Variants in SPIRE1 observed in about 807,000 individuals in gnomAD.
SPIRE1 encodes the protein spire type actin nucleation factor 1.
Under a neutral mutation model 94.1 loss-of-function variants are expected in SPIRE1, and 40 were observed. That is an observed-to-expected ratio of 0.43 (90% CI 0.33 to 0.55). The LOEUF is 0.55. SPIRE1 is among the 20% of genes least tolerant of loss of function. SPIRE1 has a pLI of 0.06. For synonymous variants in SPIRE1, 376 were observed against 371.7 expected (o/e 1.01, Z -0.13); for missense variants, 838 against 975.2 (o/e 0.86, Z 1.87).
chr18:12,617,607 C>T (rs772566436), intron 2 of SPIRE1, among the ~76,000 whole-genome samples: 15 of 152,088 alleles, frequency 9.9e-5, no homozygotes, highest in Admixed American at 2.6e-4. Context: ...GACGGGGTTT[C>T]GCCATTTTGA....
chr18:12,579,443 A>G (rs1441169620), intron 2 of SPIRE1, among the ~76,000 whole-genome samples: 1 of 152,198 alleles, frequency 6.6e-6, no homozygotes, highest in African/African-American at 2.4e-5. Context: ...AGGGAAATTC[A>G]GAGAAGCAGA....
At chr18:12,557,133 G>A (rs1169536677) in intron 2 of SPIRE1, among the ~76,000 whole-genome samples, 1 of 152,230 alleles carries the variant, frequency 6.6e-6, no homozygotes, top group Non-Finnish European at 1.5e-5. Context: ...CACCAGTCCT[G>A]CGCCACACGC....
Position 12,539,011 on chromosome 18 carries a change from C to G in SPIRE1, c.604-3410G>C, listed in dbSNP as rs147408748. Among the ~76,000 whole-genome samples, 692 of 152,346 alleles carry G rather than the reference C, an allele frequency of 4.5e-3. 4 individuals carry two copies. The highest frequency in any genetic ancestry group is 0.022 in the South Asian group (104 of 4,826). ...TCCTCTCTCACTAGTCTACATGGTT[C>G]TTCTTCACCTGACAGGCAAAATCTT... is the stretch of plus-strand genomic sequence containing the variant. On this transcript the variant is annotated intron_variant, in intron 3 of 16. Coordinates refer to ENST00000409402, the MANE Select transcript of SPIRE1 (RefSeq NM_001128626.2).
chr18:12,636,178 C>A (rs957668414), intron 1 of SPIRE1: 5 of 152,274 alleles, frequency 3.3e-5, no homozygotes, highest in African/African-American at 1.2e-4. Flanking sequence ...CAGGCGTGAG[C>A]CACCATGCCC....
At chr18:12,533,237 A>G (rs142441409) in intron 4 of SPIRE1, among the ~76,000 whole-genome samples, 2 of 152,288 alleles carry the variant, frequency 1.3e-5, no homozygotes, top group African/African-American at 4.8e-5. Context: ...TGGAGCTTCA[A>G]CCAGTTGTGA....
chr18:12,553,646 C>G (rs2035419633), intron 2 of SPIRE1, among the ~76,000 whole-genome samples: 1 of 152,112 alleles, frequency 6.6e-6, no homozygotes, highest in South Asian at 2.1e-4. Flanking sequence ...TCTAGACCTA[C>G]CCCGGGGCCT....
chr18:12,584,014 T>C (rs774999270), intron 2 of SPIRE1, among the ~76,000 whole-genome samples: 3 of 151,806 alleles, frequency 2.0e-5, no homozygotes, highest in African/African-American at 4.8e-5. Context: ...AAATGAGATA[T>C]AAAAGAGATA....
intron 8 of SPIRE1, among the ~76,000 whole-genome samples, chr18:12,492,304 C>T (rs919756677): frequency 1.3e-5 from 2 of 152,104 alleles, no homozygotes; most frequent in Non-Finnish European, 2.9e-5. Context: ...CACTATAGAC[C>T]GTTTTCGTAA....
chr18:12,502,521 C>T (rs1356048380), intron 6 of SPIRE1, among the ~76,000 whole-genome samples: 2 of 152,098 alleles, frequency 1.3e-5, no homozygotes, highest in Non-Finnish European at 2.9e-5. Context: ...GCAATAGGAA[C>T]GGTCTTGCAA....
At chr18:12,527,060 C>T (rs543138424) in intron 4 of SPIRE1, among the ~76,000 whole-genome samples, 1 of 152,190 alleles carries the variant, frequency 6.6e-6, no homozygotes, top group South Asian at 2.1e-4. Context: ...CCCAACTGAT[C>T]CTAGTTCCTC....
rs551136246 is a variant in SPIRE1, at chr18:12,446,904, G to T, written c.*2734C>A. On this transcript the variant is annotated 3_prime_UTR_variant, in exon 17 of 17. Transcript: ENST00000409402. ...ACATAACCACCTTCTGGTTTCATTT[G>T]AAATCCTTAAGAATTAAAATCTAGT... 6.6e-6 allele frequency: 1 copy of T among 152,124 alleles called. No homozygotes were observed. Among genetic ancestry groups the T allele is most frequent in the Non-Finnish European group, 1.5e-5 (1 of 68,026 alleles). 9.4% of individuals were successfully genotyped at this position (152,124 alleles called of 1,614,324 possible). A position where few individuals can be genotyped will look rare whatever the true frequency, so the allele number is the denominator to read the frequency against.
At chr18:12,519,369 C>T (rs1211748339) in intron 4 of SPIRE1, among the ~76,000 whole-genome samples, 2 of 152,174 alleles carry the variant, frequency 1.3e-5, no homozygotes, top group Admixed American at 1.3e-4. Context: ...CACACACACA[C>T]GCAAACACTC....
intron 2 of SPIRE1, 55 bp downstream of exon 2, chr18:12,635,007 T>A: frequency 1.0e-6 from 1 of 995,750 alleles, no homozygotes; most frequent in South Asian, 1.4e-5. Context: ...CTCAAGTTAG[T>A]CTAAACAGGA....
intron 10 of SPIRE1, among the ~76,000 whole-genome samples, chr18:12,475,254 T>C (rs555528341): frequency 3.9e-5 from 6 of 152,208 alleles, no homozygotes; most frequent in African/African-American, 7.2e-5. Flanking sequence ...TTCTCCAGCC[T>C]TTTCAGTCCC....
intron 11 of SPIRE1, 31 bp downstream of exon 11, chr18:12,464,837 G>A (rs747128118): frequency 2.2e-5 from 35 of 1,573,160 alleles, no homozygotes; most frequent in Middle Eastern, 1.7e-4. Flanking sequence ...TAAGACATCC[G>A]ACTACAGCTC....
chr18:12,481,486 T>C (rs1367756813), intron 9 of SPIRE1, among the ~76,000 whole-genome samples: 1 of 152,060 alleles, frequency 6.6e-6, no homozygotes, highest in Non-Finnish European at 1.5e-5. Context: ...TATTTATAAT[T>C]TCTACTTATT....
intron 8 of SPIRE1, among the ~76,000 whole-genome samples, chr18:12,489,081 G>A (rs1023919761): frequency 4.6e-5 from 7 of 152,234 alleles, no homozygotes; most frequent in East Asian, 1.9e-4. Context: ...CCAGCTACTC[G>A]GGAGGCTGAG....
chr18:12,511,426 G>A, intron 5 of SPIRE1, among the ~76,000 whole-genome samples: 1 of 152,178 alleles, frequency 6.6e-6, no homozygotes. Context: ...AGAATCTAAT[G>A]CCTGATGATC....
chr18:12,650,864 G>A (rs997734497), intron 1 of SPIRE1, among the ~76,000 whole-genome samples: 9 of 144,420 alleles, frequency 6.2e-5, no homozygotes, highest in African/African-American at 1.8e-4. Context: ...GTGACAAAGC[G>A]AGACCCTGTC....
Sources: gnomAD v4.1 joint callset for allele counts (sites outside exome capture counted in the v4.1 genomes callset) on GRCh38, gnomAD v4.1.1 for gene constraint, MANE v1.5 for transcripts, NCBI Gene and HGNC (gene_info 2026-07-23, HGNC 2026-07-21) for gene names.